Variants in TRIO observed in about 807,000 individuals in gnomAD.
TRIO encodes trio Rho guanine nucleotide exchange factor.
TRIO carries 58 observed loss-of-function variants against 351.9 expected under a neutral mutation model. The observed-to-expected ratio is 0.16, with a 90% CI of 0.13 to 0.21. TRIO has a LOEUF of 0.21. TRIO is among the 10% of genes least tolerant of loss of function. The pLI, the probability that TRIO is intolerant of heterozygous loss-of-function variation, is 1.00. For synonymous variants in TRIO, 1,758 were observed against 1,595.7 expected (o/e 1.10, Z -2.42); for missense variants, 3,201 against 4,027.8 (o/e 0.79, Z 5.56).
chr5:14,154,896 T>A (rs1199852633), intron 1 of TRIO, among the ~76,000 whole-genome samples: 1 of 152,234 alleles, frequency 6.6e-6, no homozygotes, highest in Admixed American at 6.5e-5. Flanking sequence ...TACATTTTTA[T>A]GTAATTCTTT....
At chr5:14,396,345 G>T (rs1561438160) in intron 28 of TRIO, among the ~76,000 whole-genome samples, 1 of 151,354 alleles carries the variant, frequency 6.6e-6, no homozygotes, top group Non-Finnish European at 1.5e-5. Flanking sequence ...GAGTCACGCT[G>T]GGATTGTGTG....
Position 14,406,657 on chromosome 5 carries a change from G to T in TRIO, c.4944G>T (p.Thr1648=), listed in dbSNP as rs112809301. The T allele has an allele frequency of 8.1e-6, 13 of 1,613,894 alleles. No homozygotes were observed. Among genetic ancestry groups the T allele is most frequent in the Middle Eastern group, 1.7e-4 (1 of 6,056 alleles). ...ISIASRTSQN[T]LDSDKLSGGC... is the part of the protein sequence containing the mutation. Reference sequence around the variant, plus strand: ...TCGCCTCACGGACGTCTCAGAACACGCTGGACAGCGATAAGGTGAGTCACT... The same window carrying T: ...TCGCCTCACGGACGTCTCAGAACACTCTGGACAGCGATAAGGTGAGTCACT... The change falls in exon 33 of 57, where the codon ACG becomes ACT. Residue 1648 remains threonine (T), a synonymous_variant. Coordinates refer to ENST00000344204, the MANE Select transcript of TRIO (RefSeq NM_007118.4).
intron 20 of TRIO, among the ~76,000 whole-genome samples, chr5:14,379,399 G>A (rs1318728661): frequency 1.3e-5 from 2 of 152,166 alleles, no homozygotes; most frequent in South Asian, 2.1e-4. Flanking sequence ...CTAGAAGGAC[G>A]CAGCCCATGC....
chr5:14,400,902 C>G (rs1748020376), intron 30 of TRIO, 61 bp from the exon 31 acceptor site: 1 of 1,519,588 alleles, frequency 6.6e-7, no homozygotes, highest in Non-Finnish European at 9.1e-7. Context: ...TCCTTGGTCT[C>G]TGTTCTGCAT....
chr5:14,264,822 C>A (rs1450543279), intron 1 of TRIO, among the ~76,000 whole-genome samples: 1 of 152,192 alleles, frequency 6.6e-6, no homozygotes, highest in Admixed American at 6.5e-5. Context: ...TCCCTCTGCG[C>A]GTGCGCTTGC....
At chr5:14,223,016 C>T (rs1352714149) in intron 1 of TRIO, among the ~76,000 whole-genome samples, 1 of 152,128 alleles carries the variant, frequency 6.6e-6, no homozygotes, top group African/African-American at 2.4e-5. Context: ...GGCATGAAGC[C>T]TTTTGTCTCT....
intron 31 of TRIO, 48 bp downstream of exon 31, chr5:14,401,112 GGCCATCCAT>G: frequency 6.8e-7 from 1 of 1,470,044 alleles, no homozygotes; most frequent in Non-Finnish European, 9.4e-7. Flanking sequence ...CATTTACTGT[GGCCATCCAT>G]GCTTGCTTTT....
intron 1 of TRIO, among the ~76,000 whole-genome samples, chr5:14,265,265 T>G (rs1795604527): frequency 6.6e-6 from 1 of 152,104 alleles, no homozygotes; most frequent in African/African-American, 2.4e-5. Flanking sequence ...ATCAGTTCAT[T>G]TTGTTCAACA....
At chr5:14,498,289 G>A (rs144772017) in intron 52 of TRIO, 38 bp downstream of exon 52, 3 of 1,603,230 alleles carry the variant, frequency 1.9e-6, no homozygotes, top group African/African-American at 1.3e-5. Context: ...TCGCTGGCTG[G>A]GAGCACCATC....
chr5:14,509,243 G>T lies in TRIO; in HGVS notation c.*821G>T. On this transcript the variant is annotated 3_prime_UTR_variant, in exon 57 of 57. Transcript: ENST00000344204. ...AATACTGTAAATGCACTCATTGGGG[G>T]TTTTTTGGTTTTACTTCATATCATG... 4 of 351,390 alleles carry T rather than the reference G, an allele frequency of 1.1e-5. No homozygotes were observed. Among genetic ancestry groups the T allele is most frequent in the Non-Finnish European group, 2.2e-5 (4 of 181,766 alleles). 21.8% of individuals were successfully genotyped at this position (351,390 alleles called of 1,614,324 possible). A position where few individuals can be genotyped will look rare whatever the true frequency, so the allele number is the denominator to read the frequency against.
At chr5:14,431,956 T>C (rs1450233159) in intron 34 of TRIO, among the ~76,000 whole-genome samples, 1 of 152,238 alleles carries the variant, frequency 6.6e-6, no homozygotes, top group South Asian at 2.1e-4. Flanking sequence ...CTCATTTTAA[T>C]TTAATCACCT....
intron 34 of TRIO, among the ~76,000 whole-genome samples, chr5:14,425,478 T>C (rs1015928145): frequency 6.6e-6 from 1 of 152,242 alleles, no homozygotes; most frequent in Non-Finnish European, 1.5e-5. Flanking sequence ...GGGTTGCTTC[T>C]GCCTTTTGAC....
intron 1 of TRIO, among the ~76,000 whole-genome samples, chr5:14,261,166 G>C (rs998751188): frequency 1.3e-5 from 2 of 152,200 alleles, no homozygotes; most frequent in African/African-American, 4.8e-5. Flanking sequence ...CCAAATCGTG[G>C]TTCAGTGCTG....
At chr5:14,377,834 G>T (rs1306622859) in intron 19 of TRIO, among the ~76,000 whole-genome samples, 178 bp from the exon 20 acceptor site, 1 of 152,186 alleles carries the variant, frequency 6.6e-6, no homozygotes, top group East Asian at 1.9e-4. Flanking sequence ...ATGGAGGTGA[G>T]AGTGAGAAGA....
intron 1 of TRIO, among the ~76,000 whole-genome samples, chr5:14,146,680 A>G (rs1408271110): frequency 1.3e-5 from 2 of 152,202 alleles, no homozygotes; most frequent in African/African-American, 4.8e-5. Flanking sequence ...GGCTCAGGGG[A>G]CAGGACTGCT....
intron 1 of TRIO, among the ~76,000 whole-genome samples, chr5:14,180,865 ATAGG>A (rs1789726923): frequency 6.6e-6 from 1 of 151,808 alleles, no homozygotes; most frequent in Non-Finnish European, 1.5e-5. Context: ...AAAAAGAAAT[ATAGG>A]TAGGTAGGCA....
intron 1 of TRIO, among the ~76,000 whole-genome samples, chr5:14,145,496 C>G (rs1327659966): frequency 2.0e-5 from 3 of 151,782 alleles, no homozygotes; most frequent in Admixed American, 6.6e-5. Context: ...AAAGCTACCC[C>G]CCCCCACCTT....
At chr5:14,189,798 G>A (rs958122251) in intron 1 of TRIO, among the ~76,000 whole-genome samples, 1 of 151,290 alleles carries the variant, frequency 6.6e-6, no homozygotes, top group Non-Finnish European at 1.5e-5. Context: ...TGGCCTGATC[G>A]TAACTTACTG....
At position 14,143,701 on chromosome 5, in the gene TRIO, C is replaced by A; in HGVS notation, c.-25C>A. On this transcript the variant is annotated 5_prime_UTR_variant, in exon 1 of 57. Coordinates refer to ENST00000344204, the MANE Select transcript of TRIO (RefSeq NM_007118.4). The stretch of plus-strand genomic sequence containing the variant: ...CTAGGGGCGCGGGGCCCGAGGCGGG[C>A]GCGGCCGCGGGCGCCGCCGCAGCCA... 1 of 972,960 alleles carries A rather than the reference C, an allele frequency of 1.0e-6. No homozygotes were observed. Among genetic ancestry groups the A allele is most frequent in the Non-Finnish European group, 1.2e-6 (1 of 822,586 alleles). The allele number at this position is 972,960 out of a possible 1,614,324, so 60.3% of individuals were successfully genotyped here.
Sources: allele counts gnomAD v4.1 joint callset (sites outside exome capture counted in the v4.1 genomes callset), GRCh38; gene constraint gnomAD v4.1.1; transcripts MANE v1.5; gene names NCBI Gene and HGNC (gene_info 2026-07-23, HGNC 2026-07-21).